DGKB: variants seen among roughly 807,000 people sequenced by gnomAD.
The protein encoded by DGKB is 90 kDa diacylglycerol kinase.
DGKB carries 67 observed loss-of-function variants against 114.3 expected under a neutral mutation model. That is an observed-to-expected ratio of 0.59 (90% CI 0.48 to 0.72). DGKB has a LOEUF of 0.72. DGKB is among the 30% of genes least tolerant of loss of function. The pLI, the probability that DGKB is intolerant of heterozygous loss-of-function variation, is 0.00. For synonymous variants in DGKB, 398 were observed against 323.1 expected (o/e 1.23, Z -2.49); for missense variants, 907 against 975.2 (o/e 0.93, Z 0.93).
intron 21 of DGKB, among the ~76,000 whole-genome samples, chr7:14,477,054 A>G (rs536629593): frequency 3.2e-4 from 48 of 152,216 alleles, no homozygotes; most frequent in Middle Eastern, 3.4e-3. Flanking sequence ...CCGGCCTACT[A>G]AAAAGATCTC....
chr7:14,903,755 G>A (rs1326961255), upstream of DGKB, among the ~76,000 whole-genome samples: 3 of 152,152 alleles, frequency 2.0e-5, no homozygotes, highest in Admixed American at 6.6e-5. Context: ...TTTGAGGCAC[G>A]TGTGTAAAAT....
At chr7:14,656,450 G>C (rs1815807848) in intron 13 of DGKB, among the ~76,000 whole-genome samples, 1 of 151,110 alleles carries the variant, frequency 6.6e-6, no homozygotes, top group Admixed American at 6.6e-5. Flanking sequence ...AATTAATATA[G>C]GAATGATGGC....
intron 21 of DGKB, among the ~76,000 whole-genome samples, chr7:14,409,844 G>A (rs1164699960): frequency 3.3e-5 from 5 of 151,546 alleles, no homozygotes; most frequent in Admixed American, 1.3e-4. Context: ...TACTGTAAAT[G>A]TATTTTCTCC....
chr7:14,904,352 C>T (rs2128240995), upstream of DGKB, among the ~76,000 whole-genome samples: 1 of 152,180 alleles, frequency 6.6e-6, no homozygotes, highest in African/African-American at 2.4e-5. Context: ...TTATTTCTGC[C>T]TCTGAGTACT....
chr7:14,176,760 A>T (rs1781798123), intron 25 of DGKB, 79 bp downstream of exon 25: 1 of 1,556,738 alleles, frequency 6.4e-7, no homozygotes, highest in Non-Finnish European at 8.7e-7. Context: ...TAAAGAAAAA[A>T]ATCAGTTATT....
chr7:14,702,345 G>C (rs1239246910), intron 6 of DGKB, among the ~76,000 whole-genome samples: 5 of 152,046 alleles, frequency 3.3e-5, no homozygotes, highest in Admixed American at 6.6e-5. Context: ...CAAAATAACA[G>C]GTTCTTTCTG....
At chr7:14,183,191 C>T (rs74706856) in intron 23 of DGKB, among the ~76,000 whole-genome samples, 149 of 152,160 alleles carry the variant, frequency 9.8e-4, no homozygotes, top group African/African-American at 3.4e-3. Context: ...GTCTGAGGAC[C>T]AAGAATAAAC....
intron 21 of DGKB, among the ~76,000 whole-genome samples, chr7:14,414,422 T>C (rs538188917): frequency 1.3e-5 from 2 of 152,218 alleles, no homozygotes; most frequent in African/African-American, 4.8e-5. Flanking sequence ...GGAGATGGCA[T>C]AGTGTGGTAC....
intron 17 of DGKB, among the ~76,000 whole-genome samples, chr7:14,588,706 A>G (rs1274189408): frequency 6.6e-6 from 1 of 152,032 alleles, no homozygotes; most frequent in Non-Finnish European, 1.5e-5. Context: ...GTCCATGATA[A>G]GTATTATTTC....
intron 6 of DGKB, among the ~76,000 whole-genome samples, chr7:14,702,152 G>C (rs1825308624): frequency 6.6e-6 from 1 of 152,082 alleles, no homozygotes; most frequent in Non-Finnish European, 1.5e-5. Flanking sequence ...AATTATAAGA[G>C]CTTGGTCAAA....
chr7:14,454,630 A>G (rs1234969420), intron 21 of DGKB, among the ~76,000 whole-genome samples: 1 of 152,114 alleles, frequency 6.6e-6, no homozygotes, highest in Non-Finnish European at 1.5e-5. Context: ...TAACTTTTAA[A>G]TAATAAAGCT....
chr7:14,263,681 T>C (rs1215240645), intron 23 of DGKB, among the ~76,000 whole-genome samples: 1 of 152,186 alleles, frequency 6.6e-6, no homozygotes, highest in Non-Finnish European at 1.5e-5. Flanking sequence ...GAAATGATCA[T>C]TTTTGAGAAC....
At chr7:14,645,461 T>G (rs920168907) in intron 13 of DGKB, among the ~76,000 whole-genome samples, 3 of 151,840 alleles carry the variant, frequency 2.0e-5, no homozygotes, top group African/African-American at 7.3e-5. Flanking sequence ...TTCTCCTGCT[T>G]GCTGAACAAT....
intron 20 of DGKB, among the ~76,000 whole-genome samples, chr7:14,567,048 C>T (rs904887653): frequency 3.8e-5 from 5 of 131,204 alleles, no homozygotes; most frequent in African/African-American, 1.4e-4. Flanking sequence ...ACTCCAAGTT[C>T]TAATAATGAG....
At chr7:14,884,121 C>T (rs779500706) in intron 1 of DGKB, among the ~76,000 whole-genome samples, 1 of 151,914 alleles carries the variant, frequency 6.6e-6, no homozygotes, top group Non-Finnish European at 1.5e-5. Context: ...GTCTCTGTTG[C>T]AACTAGTGAT....
chr7:14,178,625 C>T (rs1409654099), intron 23 of DGKB, among the ~76,000 whole-genome samples: 1 of 152,150 alleles, frequency 6.6e-6, no homozygotes, highest in Non-Finnish European at 1.5e-5. Context: ...TGGAGCTTCT[C>T]ATTTTATACA....
chr7:14,702,592 A>C (rs1825389988), intron 6 of DGKB, among the ~76,000 whole-genome samples: 1 of 152,206 alleles, frequency 6.6e-6, no homozygotes, highest in South Asian at 2.1e-4. Context: ...AGGAGGCCAC[A>C]GGTGCCATTT....
chr7:14,668,151 G>T (rs1301527224), intron 13 of DGKB, among the ~76,000 whole-genome samples: 1 of 152,098 alleles, frequency 6.6e-6, no homozygotes. Context: ...GCAGGTTGGG[G>T]TGTACAGAAA....
intron 21 of DGKB, among the ~76,000 whole-genome samples, chr7:14,424,163 AC>A (rs1406377320): frequency 1.3e-5 from 2 of 151,920 alleles, no homozygotes; most frequent in Admixed American, 6.6e-5. Context: ...ATTCAGTAAA[AC>A]CAAATCATCA....
Sources: gnomAD v4.1 joint callset for allele counts (sites outside exome capture counted in the v4.1 genomes callset) on GRCh38, gnomAD v4.1.1 for gene constraint, MANE v1.5 for transcripts, NCBI Gene and HGNC (gene_info 2026-07-23, HGNC 2026-07-21) for gene names.